The following TPTE2 variants were observed in gnomAD, a reference collection of about 807,000 sequenced individuals.
TPTE2 encodes transmembrane phosphoinositide 3-phosphatase and tensin homolog 2.
A neutral mutation model predicts 78.6 loss-of-function variants in TPTE2; 53 were observed. That is an observed-to-expected ratio of 0.67 (90% CI 0.54 to 0.85). TPTE2 has a LOEUF of 0.85. Among genes scored for constraint, TPTE2 ranks in the 40% least tolerant of loss-of-function variants. The pLI is 0.00. For synonymous variants in TPTE2, 175 were observed against 206.2 expected, an observed-to-expected ratio of 0.85 and a Z score of 1.30; for missense variants, 461 against 623.0, an observed-to-expected ratio of 0.74 and a Z score of 2.77.
At chr13:19,423,665 T>C (rs904830754) in intron 19 of TPTE2, among the ~76,000 whole-genome samples, 9 of 152,162 alleles carry the variant, frequency 5.9e-5, no homozygotes, top group African/African-American at 1.9e-4. Flanking sequence ...TTCTAAATGA[T>C]AGAAGTTAGC....
chr13:19,462,404 G>T (rs2137557815), intron 10 of TPTE2, among the ~76,000 whole-genome samples: 2 of 151,514 alleles, frequency 1.3e-5, no homozygotes, highest in South Asian at 4.2e-4. Context: ...TTTTCCTTCA[G>T]TACTTTGTGA....
At chr13:19,437,565 G>T (rs1311057204) in intron 14 of TPTE2, among the ~76,000 whole-genome samples, 1 of 152,274 alleles carries the variant, frequency 6.6e-6, no homozygotes, top group East Asian at 1.9e-4. Context: ...GCTCTTTGGA[G>T]AATTTATCTA....
intron 9 of TPTE2, among the ~76,000 whole-genome samples, chr13:19,464,764 T>C (rs1361867461): frequency 2.6e-5 from 4 of 152,260 alleles, no homozygotes; most frequent in Non-Finnish European, 4.4e-5. Flanking sequence ...CATGTACTTA[T>C]GATGGCCTCA....
intron 13 of TPTE2, among the ~76,000 whole-genome samples, chr13:19,443,776 A>ACC (rs1877650492): frequency 2.2e-5 from 3 of 137,378 alleles, no homozygotes; most frequent in African/African-American, 7.6e-5. Flanking sequence ...ACACACACAC[A>ACC]CACAGTCGTT....
At chr13:19,427,364 T>C (rs1271144874) in intron 17 of TPTE2, among the ~76,000 whole-genome samples, 1 of 152,128 alleles carries the variant, frequency 6.6e-6, no homozygotes, top group South Asian at 2.1e-4. Flanking sequence ...ATTACAGGCA[T>C]GAGCCACCGT....
chr13:19,437,962 A>G lies in TPTE2; in HGVS notation c.1035+130T>C, dbSNP rs544669529. 1.7e-4 allele frequency: 234 copies of G among 1,343,816 alleles called. No individual in the cohort carries two copies. The Middle Eastern group carries it at 4.5e-3, about 26-fold the overall frequency. 83.2% of individuals were successfully genotyped at this position (1,343,816 alleles called of 1,614,324 possible). On this transcript the variant is annotated intron_variant, in intron 14 of 19. Transcript: ENST00000400230. ...AAGTATCAAAAATAGACTTTCTAAA[A>G]ACTGCTTCTCTAATTACAATTTTAC...
the TPTE2 span, among the ~76,000 whole-genome samples, chr13:19,553,597 C>A: frequency 7.2e-5 from 11 of 152,220 alleles, no homozygotes; most frequent in Middle Eastern, 3.4e-3. Flanking sequence ...TACATTCATA[C>A]AATGGTATAC....
At chr13:19,460,162 A>T (rs1878797697) in intron 10 of TPTE2, among the ~76,000 whole-genome samples, 1 of 152,212 alleles carries the variant, frequency 6.6e-6, no homozygotes, top group Non-Finnish European at 1.5e-5. Flanking sequence ...GACTCCATAC[A>T]GGTCTGTGTA....
exon 7 of TPTE2, chr13:19,467,317 A>G: frequency 6.4e-7 from 1 of 1,570,790 alleles, no homozygotes; most frequent in Non-Finnish European, 8.6e-7. Flanking sequence ...CTAAAATGTT[A>G]AATAAGTCAG....
At chr13:19,467,145 A>T in intron 7 of TPTE2, 80 bp downstream of exon 10, 1 of 1,390,868 alleles carries the variant, frequency 7.2e-7, no homozygotes, top group Non-Finnish European at 9.7e-7. Flanking sequence ...TGAAGTTGAA[A>T]AGATTATATA....
chr13:19,436,992 A>T (rs1047844427), intron 14 of TPTE2, among the ~76,000 whole-genome samples: 1 of 149,916 alleles, frequency 6.7e-6, no homozygotes, highest in Non-Finnish European at 1.5e-5. Flanking sequence ...AATGACTTTC[A>T]AACCTTTTGT....
chr13:19,449,622 T>C (rs4377013), intron 13 of TPTE2, among the ~76,000 whole-genome samples: 94,456 of 152,086 alleles, frequency 0.62, 33,631 homozygotes, highest in East Asian at 0.89. Context: ...ATTAGCTTGA[T>C]TTAGCCATTT....
At chr13:19,476,875 G>C (rs1321648067) in intron 4 of TPTE2, among the ~76,000 whole-genome samples, 1 of 152,104 alleles carries the variant, frequency 6.6e-6, no homozygotes, top group East Asian at 1.9e-4. Flanking sequence ...ATACCCAGAG[G>C]AATATAAATC....
chr13:19,553,902 T>C, the TPTE2 span, among the ~76,000 whole-genome samples: 2 of 152,246 alleles, frequency 1.3e-5, no homozygotes, highest in African/African-American at 2.4e-5. Flanking sequence ...AGTCAAGTTA[T>C]ATACTTTAAA....
At chr13:19,440,085 A>G (rs1352297953) in intron 13 of TPTE2, among the ~76,000 whole-genome samples, 4 of 152,218 alleles carry the variant, frequency 2.6e-5, no homozygotes, top group Admixed American at 1.3e-4. Context: ...ACATCTAAGT[A>G]CAGTAAAGCC....
intron 1 of TPTE2, among the ~76,000 whole-genome samples, chr13:19,522,678 A>C (rs1870237496): frequency 7.2e-6 from 1 of 139,198 alleles, no homozygotes; most frequent in Non-Finnish European, 1.5e-5. Context: ...GCTGAAGTGC[A>C]GTGGTGTGAT....
the TPTE2 span, among the ~76,000 whole-genome samples, chr13:19,557,938 A>G: frequency 6.6e-6 from 1 of 152,230 alleles, no homozygotes; most frequent in South Asian, 2.1e-4. Flanking sequence ...TAAAAAACCT[A>G]AATCTTAAGG....
At chr13:19,510,159 G>C (rs1199806070) in intron 1 of TPTE2, among the ~76,000 whole-genome samples, 4 of 152,178 alleles carry the variant, frequency 2.6e-5, no homozygotes, top group African/African-American at 9.7e-5. Flanking sequence ...GTCTAAAACT[G>C]ACATGAAGGA....
intron 3 of TPTE2, among the ~76,000 whole-genome samples, chr13:19,487,317 C>A (rs1566061158): frequency 6.6e-6 from 1 of 151,948 alleles, no homozygotes; most frequent in Non-Finnish European, 1.5e-5. Flanking sequence ...CTGCTAGGGG[C>A]AGCCTGTGGG....
Sources: allele counts gnomAD v4.1 joint callset (sites outside exome capture counted in the v4.1 genomes callset), GRCh38; gene constraint gnomAD v4.1.1; transcripts MANE v1.5; gene names NCBI Gene and HGNC (gene_info 2026-07-23, HGNC 2026-07-21).